DUSP3: variants seen among roughly 807,000 people sequenced by gnomAD.
DUSP3 encodes the protein dual specificity protein phosphatase 3.
A neutral mutation model predicts 15.5 loss-of-function variants in DUSP3; 7 were observed. The observed-to-expected ratio is 0.45, with a 90% CI of 0.26 to 0.85. The LOEUF (loss-of-function observed/expected upper bound fraction) is 0.85, where lower values mean the gene tolerates loss of function less well. Among genes scored for constraint, DUSP3 ranks in the 40% least tolerant of loss-of-function variants. The probability of loss-of-function intolerance (pLI) is 0.18; values close to 1 mark genes in which losing one functional copy is unlikely to be tolerated. For missense variants in DUSP3, 209 were observed against 251.7 expected (o/e 0.83, Z 1.15); for synonymous variants, 86 against 104.2 (o/e 0.83, Z 1.07).
chr17:43,778,684 G>A, intron 1 of DUSP3, 116 bp downstream of exon 1: 2 of 1,304,912 alleles, frequency 1.5e-6, no homozygotes, highest in Non-Finnish European at 2.0e-6. Context: ...GGCTCCCGGA[G>A]GGGCCATCGC....
Position 43,768,764 on chromosome 17 carries a change from T to G in DUSP3, c.*845A>C, listed in dbSNP as rs1167401517. Reference sequence around the variant, plus strand: ...TTGTAATTCTCCAAATGGTGGGGTTTTTAAATAGGTTGGACTTCAACTCCC... The same window carrying G: ...TTGTAATTCTCCAAATGGTGGGGTTGTTAAATAGGTTGGACTTCAACTCCC... On this transcript the variant is annotated 3_prime_UTR_variant, in exon 3 of 3. Transcript: ENST00000226004. The G allele has an allele frequency of 6.6e-6, 1 of 151,830 alleles. No homozygotes were observed. The highest frequency in any genetic ancestry group is 1.5e-5 in the Non-Finnish European group (1 of 67,974). 9.4% of individuals were successfully genotyped at this position (151,830 alleles called of 1,614,324 possible).
At chr17:43,772,521 CTT>C (rs1974332327) in intron 2 of DUSP3, among the ~76,000 whole-genome samples, 2 of 152,202 alleles carry the variant, frequency 1.3e-5, no homozygotes, top group Non-Finnish European at 2.9e-5. Context: ...ACTGCTCCCT[CTT>C]GAGTACCCTC....
At chr17:43,777,542 T>C (rs1464496051) in intron 1 of DUSP3, 1 of 455,836 alleles carries the variant, frequency 2.2e-6, no homozygotes, top group Non-Finnish European at 4.4e-6. Flanking sequence ...AACAAGACAT[T>C]GACCCTGTCC....
At chr17:43,773,810 G>A (rs1974348213) in intron 2 of DUSP3, among the ~76,000 whole-genome samples, 1 of 152,064 alleles carries the variant, frequency 6.6e-6, no homozygotes, top group Non-Finnish European at 1.5e-5. Flanking sequence ...AAAAAAGAGA[G>A]AGAGAGTGGC....
intron 2 of DUSP3, among the ~76,000 whole-genome samples, chr17:43,771,607 G>C (rs143469240): frequency 3.3e-5 from 5 of 152,244 alleles, no homozygotes; most frequent in African/African-American, 1.2e-4. Flanking sequence ...CCAATACTGG[G>C]CATCCTCTGG....
chr17:43,769,649 AG>A lies in DUSP3; in HGVS notation c.517del (p.Leu173SerfsTer5). 1 of 1,612,770 alleles carries A rather than the reference AG, an allele frequency of 6.2e-7. No homozygotes were observed. The highest frequency in any genetic ancestry group is 1.1e-5 in the South Asian group (1 of 91,016). ...NDGFLAQLCQ[L>X]NDRLAKEGKL... ...CCCCTCCTTGGCTAGTCTGTCATTGAGCTGGCAGAGCTGGGCCAGGAAGCCA... is the reference window on the plus strand; with the variant it reads ...CCCCTCCTTGGCTAGTCTGTCATTGACTGGCAGAGCTGGGCCAGGAAGCCA... On this transcript the variant is annotated frameshift_variant, in exon 3 of 3. Coordinates refer to ENST00000226004, the MANE Select transcript of DUSP3 (RefSeq NM_004090.4). LOFTEE classifies it high-confidence loss of function.
chr17:43,776,210 T>C (rs1159238831), intron 1 of DUSP3, among the ~76,000 whole-genome samples: 1 of 152,248 alleles, frequency 6.6e-6, no homozygotes, highest in Non-Finnish European at 1.5e-5. Flanking sequence ...CCAGTCCAAA[T>C]AGCAGTTTAT....
intron 2 of DUSP3, among the ~76,000 whole-genome samples, chr17:43,772,995 C>T (rs931102518): frequency 1.9e-4 from 29 of 152,172 alleles, no homozygotes; most frequent in Non-Finnish European, 2.5e-4. Context: ...ACGAGAACAA[C>T]AAAATCCTTC....
chr17:43,774,998 A>C (rs1483810148), intron 1 of DUSP3, 60 bp from the exon 2 acceptor site: 6 of 1,540,330 alleles, frequency 3.9e-6, no homozygotes, highest in Non-Finnish European at 4.5e-6. Context: ...CAGGGGGAGG[A>C]AGATGGAGAA....
chr17:43,774,370 G>T (rs1421081011), intron 2 of DUSP3, among the ~76,000 whole-genome samples: 1 of 152,142 alleles, frequency 6.6e-6, no homozygotes, highest in Admixed American at 6.5e-5. Flanking sequence ...TTCACCTCAG[G>T]ACTTCTTGCC....
At position 43,766,288 on chromosome 17, in the gene DUSP3, T is replaced by C. The variant is rs1974241362; in HGVS notation, c.*3321A>G. ...CTTTCATAATCAAATTACCCTAAAA[T>C]TTGGTGGCGTTAAGAGGCAACAAAA... On this transcript the variant is annotated 3_prime_UTR_variant, in exon 3 of 3. Coordinates refer to ENST00000226004, the MANE Select transcript of DUSP3 (RefSeq NM_004090.4). 1 of 152,350 alleles carries C rather than the reference T, an allele frequency of 6.6e-6. No individual in the cohort carries two copies. The highest frequency in any genetic ancestry group is 1.5e-5 in the Non-Finnish European group (1 of 68,026). The allele number at this position is 152,350 out of a possible 1,614,324, so 9.4% of individuals were successfully genotyped here. A position where few individuals can be genotyped will look rare whatever the true frequency, so the allele number is the denominator to read the frequency against.
At chr17:43,776,692 A>T (rs1445194830) in intron 1 of DUSP3, among the ~76,000 whole-genome samples, 1 of 152,134 alleles carries the variant, frequency 6.6e-6, no homozygotes, top group Non-Finnish European at 1.5e-5. Context: ...AGCAATTGCC[A>T]CTCTGGCTAC....
chr17:43,776,102 G>T (rs549731530), intron 1 of DUSP3, among the ~76,000 whole-genome samples: 40 of 152,308 alleles, frequency 2.6e-4, no homozygotes, highest in Non-Finnish European at 1.5e-4. Flanking sequence ...CTGGGTGACA[G>T]AGTGAGACTC....
At position 43,767,602 on chromosome 17, in the gene DUSP3, C is replaced by T. The variant is rs1205318644; in HGVS notation, c.*2007G>A. ...AGTTCCTTTTTTTTAAAAAAGGTCA[C>T]AATACAAGAACAAGCTCTACTAACT... On this transcript the variant is annotated 3_prime_UTR_variant, in exon 3 of 3. Coordinates refer to ENST00000226004, the MANE Select transcript of DUSP3 (RefSeq NM_004090.4). 6.6e-6 allele frequency: 1 copy of T among 152,164 alleles called. No homozygotes were observed. Among genetic ancestry groups the T allele is most frequent in the Non-Finnish European group, 1.5e-5 (1 of 68,008 alleles). The allele number at this position is 152,164 out of a possible 1,614,324, so 9.4% of individuals were successfully genotyped here. A position where few individuals can be genotyped will look rare whatever the true frequency, so the allele number is the denominator to read the frequency against.
chr17:43,774,160 G>T lies in DUSP3; in HGVS notation c.352+552C>A, dbSNP rs57994848. The T allele has an allele frequency of 3.2e-4, 79 of 248,358 alleles. No individual in the cohort carries two copies. In the East Asian group the frequency reaches 0.011, roughly 35 times the overall value. 15.4% of individuals were successfully genotyped at this position (248,358 alleles called of 1,614,324 possible). A position where few individuals can be genotyped will look rare whatever the true frequency, so the allele number is the denominator to read the frequency against. On this transcript the variant is annotated intron_variant, in intron 2 of 2. Transcript: ENST00000226004. ...AGGAGAGAGAGAAGAGGAAAAAAAA[G>T]AGTGGGAAGAGATGGCTGCAGGGCC...
intron 1 of DUSP3, chr17:43,777,873 C>A (rs1162922641): frequency 5.4e-6 from 1 of 183,724 alleles, no homozygotes; most frequent in East Asian, 1.5e-4. Flanking sequence ...GGTGCGGTGG[C>A]TCACGCCTGT....
intron 2 of DUSP3, among the ~76,000 whole-genome samples, chr17:43,770,700 T>C (rs1974306129): frequency 1.3e-5 from 2 of 149,922 alleles, no homozygotes; most frequent in South Asian, 4.2e-4. Context: ...CCCTGGGAGC[T>C]GGGGATGGGG....
At chr17:43,775,198 G>A (rs1266658419) in intron 1 of DUSP3, among the ~76,000 whole-genome samples, 2 of 152,078 alleles carry the variant, frequency 1.3e-5, no homozygotes, top group Non-Finnish European at 2.9e-5. Flanking sequence ...ACCTTCTCTG[G>A]AGAAATGCGC....
chr17:43,775,779 G>A (rs1974379555), intron 1 of DUSP3, among the ~76,000 whole-genome samples: 1 of 152,146 alleles, frequency 6.6e-6, no homozygotes, highest in Admixed American at 6.5e-5. Flanking sequence ...TTAGTACTTG[G>A]GGAGTAAGTG....
Sources: allele counts gnomAD v4.1 joint callset (sites outside exome capture counted in the v4.1 genomes callset), GRCh38; gene constraint gnomAD v4.1.1; transcripts MANE v1.5; gene names NCBI Gene and HGNC (gene_info 2026-07-23, HGNC 2026-07-21).